ATR: variants seen among roughly 807,000 people sequenced by gnomAD.
The protein encoded by ATR is serine/threonine-protein kinase ATR.
Under a neutral mutation model 305.3 loss-of-function variants are expected in ATR, and 142 were observed. That is an observed-to-expected ratio of 0.47 (90% CI 0.41 to 0.53). The LOEUF (loss-of-function observed/expected upper bound fraction) is 0.53. ATR is among the 20% of genes least tolerant of loss of function. ATR has a pLI of 0.00. For synonymous variants in ATR, 1,050 were observed against 1,068.1 expected, an observed-to-expected ratio of 0.98 and a Z score of 0.33; for missense variants, 2,135 against 3,133.1, an observed-to-expected ratio of 0.68 and a Z score of 7.60.
Position 142,570,449 on chromosome 3 carries a change from C to T in ATR, c.60-2295G>A, listed in dbSNP as rs374101077. On this transcript the variant is annotated intron_variant, in intron 1 of 46. Coordinates refer to ENST00000350721, the MANE Select transcript of ATR (RefSeq NM_001184.4). ...TTGCCCAGGCTGGAGTGCAATGGCG[C>T]GATCTCAGCTCACCGCAACCTCCGC... Among the ~76,000 whole-genome samples, 8 of 152,202 alleles carry T rather than the reference C, an allele frequency of 5.3e-5. No individual in the cohort carries two copies. The East Asian group carries it at 5.8e-4, about 11-fold the overall frequency.
chr3:142,451,195 C>T (rs1483204337), intron 46 of ATR: 6 of 1,180,004 alleles, frequency 5.1e-6, no homozygotes, highest in African/African-American at 1.6e-5. Flanking sequence ...TGTTGGGGAT[C>T]GAGGTGCAGT....
intron 13 of ATR, 90 bp from the exon 14 acceptor site, chr3:142,550,392 A>G: frequency 1.5e-6 from 2 of 1,344,720 alleles, no homozygotes; most frequent in African/African-American, 2.9e-5. Context: ...GCAGTATCAA[A>G]TAGTATTCTA....
chr3:142,478,630 A>G (rs1332284338), intron 36 of ATR, among the ~76,000 whole-genome samples: 6 of 152,116 alleles, frequency 3.9e-5, no homozygotes, highest in Non-Finnish European at 8.8e-5. Context: ...GCTGAATTCA[A>G]TTCCTGGATA....
At chr3:142,475,158 T>C (rs1273280413) in intron 36 of ATR, among the ~76,000 whole-genome samples, 1 of 152,212 alleles carries the variant, frequency 6.6e-6, no homozygotes, top group Non-Finnish European at 1.5e-5. Flanking sequence ...TGCAGGTTTT[T>C]AGATATGTAT....
Position 142,558,766 on chromosome 3 carries a change from T to C in ATR, c.1743A>G (p.Ser581=), listed in dbSNP as rs2034775159. Residue 581 remains serine, a synonymous_variant, in exon 8 of 47, where the codon TCA becomes TCG. Coordinates refer to ENST00000350721, the MANE Select transcript of ATR (RefSeq NM_001184.4). ...AATCTTCCAGGATATGATCTTCAAATGAACTGTTTACTACAGAAGCACAAA... is the reference window on the plus strand; with the variant it reads ...AATCTTCCAGGATATGATCTTCAAACGAACTGTTTACTACAGAAGCACAAA... ...DALIYMQVNS[S]FEDHILEDLC... is the part of the protein sequence containing the mutation. The C allele has an allele frequency of 2.5e-6, 4 of 1,608,602 alleles. No individual in the cohort carries two copies. Among genetic ancestry groups the C allele is most frequent in the Admixed American group, 1.7e-5 (1 of 59,822 alleles).
chr3:142,566,629 TA>T (rs548148224), intron 2 of ATR, among the ~76,000 whole-genome samples: 123 of 4,848 alleles, frequency 0.025, no homozygotes, highest in African/African-American at 0.048. Flanking sequence ...CTCTTAAAAT[TA>T]AAAAAAAAAA....
chr3:142,496,873 C>T (rs2031677415), intron 33 of ATR, 140 bp downstream of exon 33: 5 of 988,260 alleles, frequency 5.1e-6, no homozygotes, highest in Non-Finnish European at 4.4e-6. Context: ...TTCCTTTCAA[C>T]CAGATAGTGT....
intron 23 of ATR, among the ~76,000 whole-genome samples, chr3:142,521,857 T>C (rs1359410498): frequency 6.6e-6 from 1 of 152,220 alleles, no homozygotes; most frequent in African/African-American, 2.4e-5. Context: ...GTGAACACTG[T>C]TCAGGTGACA....
chr3:142,513,510 ATCT>A lies in ATR; in HGVS notation c.4629_4631del (p.Glu1543del), dbSNP rs755543843. 6.2e-6 allele frequency: 10 copies of A among 1,613,570 alleles called. No homozygotes were observed. Among genetic ancestry groups the A allele is most frequent in the Middle Eastern group, 3.3e-4 (2 of 6,030 alleles). On this transcript the variant is annotated inframe_deletion, in exon 26 of 47. Transcript: ENST00000350721. ...AGATGATTTATCTCACCTCCTGCTG[ATCT>A]TCTTGATTACAACCCAGTAAGACAT...
intron 16 of ATR, among the ~76,000 whole-genome samples, chr3:142,545,357 G>C (rs1179958799): frequency 7.3e-6 from 1 of 137,856 alleles, no homozygotes; most frequent in Admixed American, 6.8e-5. Flanking sequence ...AAAGATCCAG[G>C]AGATTATTCC....
At chr3:142,451,758 C>A (rs13075259) in intron 46 of ATR, 385,399 of 1,124,194 alleles carry the variant, frequency 0.34, 52,625 homozygotes, top group Non-Finnish European at 0.36. Flanking sequence ...TAAAAAAAAA[C>A]AAAAACTATT....
intron 34 of ATR, among the ~76,000 whole-genome samples, chr3:142,493,706 A>C (rs2031421018): frequency 6.6e-6 from 1 of 152,092 alleles, no homozygotes; most frequent in African/African-American, 2.4e-5. Context: ...TGTCTCTACA[A>C]AAAATTTAAA....
chr3:142,528,879 A>ATATATATATAAATTTT (rs1215767510), intron 21 of ATR, among the ~76,000 whole-genome samples: 1 of 30,488 alleles, frequency 3.3e-5, no homozygotes, highest in Non-Finnish European at 5.0e-5. Flanking sequence ...ATATATATAT[A>ATATATATATAAATTTT]TTTTTTTTTT....
At chr3:142,541,938 GT>G (rs1215138976) in intron 17 of ATR, among the ~76,000 whole-genome samples, 2 of 151,672 alleles carry the variant, frequency 1.3e-5, no homozygotes, top group African/African-American at 4.8e-5. Context: ...GGTGTTTTTT[GT>G]TTGTTTTTAT....
chr3:142,551,673 T>A (rs2034474934), intron 13 of ATR, among the ~76,000 whole-genome samples: 1 of 152,004 alleles, frequency 6.6e-6, no homozygotes, highest in Admixed American at 6.6e-5. Context: ...AAAAATTAAC[T>A]CAAGATGGAT....
In ATR at chr3:142,493,290, T is replaced by C. The variant is rs2031400440; in HGVS notation, c.5920A>G (p.Ile1974Val). 1 of 1,613,654 alleles carries C rather than the reference T, an allele frequency of 6.2e-7. No homozygotes were observed. Among genetic ancestry groups the C allele is most frequent in the Non-Finnish European group, 8.5e-7 (1 of 1,179,800 alleles). Residue 1974 changes from isoleucine (I) to valine (V), a missense_variant, in exon 35 of 47, where the codon ATT (isoleucine) becomes GTT (valine). Ile to Val is a conservative substitution (Grantham distance 29). Around this residue, in one of 9 missense-constraint regions of ATR, gnomAD observed 462 missense variants for 887.6 expected, o/e 0.52. Transcript: ENST00000350721. The stretch of plus-strand genomic sequence containing the variant: ...AATTCAACACCTTTTTGAAGAACAA[T>C]TAGTGCCTGGTGAACATCACCCTAA... ...WSKGDVHQAL[I>V]VLQKGVELCF...
chr3:142,497,305 T>C, intron 32 of ATR, 113 bp from the exon 33 acceptor site: 1 of 1,118,338 alleles, frequency 8.9e-7, no homozygotes, highest in Non-Finnish European at 1.3e-6. Flanking sequence ...CACAGTTGTC[T>C]TTGGTAGAAC....
At chr3:142,487,239 C>G (rs566302887) in intron 35 of ATR, among the ~76,000 whole-genome samples, 4 of 152,262 alleles carry the variant, frequency 2.6e-5, no homozygotes, top group African/African-American at 7.2e-5. Flanking sequence ...AGGCTCAAGG[C>G]AATCCTCCCT....
Position 142,578,686 on chromosome 3 carries a change from C to A in ATR, c.19G>T (p.Glu7Ter). 6.2e-7 allele frequency: 1 copy of A among 1,613,448 alleles called. No individual in the cohort carries two copies. The highest frequency in any genetic ancestry group is 1.1e-5 in the South Asian group (1 of 90,748). Residue 7 changes from glutamate to a stop codon, truncating the protein, a stop_gained, in exon 1 of 47, where the codon GAG becomes TAG. Transcript: ENST00000350721. LOFTEE classifies it high-confidence loss of function. The part of the protein sequence containing the change: MGEHGL[E>*]LASMIPALRE... ...AGGGCGGGGATCATGGAAGCCAGCT[C>A]CAGGCCATGTTCCCCCATGCTGAGG...
Sources: gnomAD v4.1 joint callset for allele counts (sites outside exome capture counted in the v4.1 genomes callset) on GRCh38, gnomAD v4.1.1 for gene constraint, gnomAD v4.1.1 regional missense constraint, MANE v1.5 for transcripts, NCBI Gene and HGNC (gene_info 2026-07-23, HGNC 2026-07-21) for gene names.